The following DDX27 variants were observed in gnomAD, a reference collection of about 807,000 sequenced individuals.
DDX27 encodes the protein probable ATP-dependent RNA helicase DDX27.
A neutral mutation model predicts 99.3 loss-of-function variants in DDX27; 42 were observed. The ratio of observed to expected loss-of-function variants is 0.42; its 90% CI spans 0.33 to 0.55. The LOEUF (loss-of-function observed/expected upper bound fraction) is 0.55, where lower values mean the gene tolerates loss of function less well. Ranked by LOEUF, DDX27 falls within the 20% of genes least tolerant of loss-of-function variation. DDX27 has a pLI of 0.07. For missense variants in DDX27, 798 were observed against 976.8 expected, an observed-to-expected ratio of 0.82 and a Z score of 2.44; for synonymous variants, 329 against 353.8, an observed-to-expected ratio of 0.93 and a Z score of 0.79.
In DDX27 at chr20:49,223,322, T is replaced by A. The variant is rs921493422; in HGVS notation, c.355T>A (p.Ser119Thr). ...LEKEKEAKEG[S>T]EPKEQEDLQE... is the part of the protein sequence containing the mutation. ...AAAGGAGAAAGAAGCAAAGGAAGGC[T>A]CTGAACCAAAGGAGCAGGAAGACCT... Residue 119 changes from serine (S) to threonine (T), a missense_variant, in exon 4 of 21, where the codon TCT (serine) becomes ACT (threonine). By Grantham distance (58) the Ser-to-Thr change is moderately conservative. Transcript: ENST00000618172. 3 of 1,614,004 alleles carry A rather than the reference T, an allele frequency of 1.9e-6. No individual in the cohort carries two copies. The Admixed American group carries it at 5.0e-5, about 27-fold the overall frequency.
intron 16 of DDX27, chr20:49,241,692 C>T: frequency 9.6e-6 from 6 of 626,210 alleles, no homozygotes; most frequent in Non-Finnish European, 1.7e-5. Flanking sequence ...TGATCCCAAA[C>T]TCCTGACCTC....
In DDX27 at chr20:49,230,372, C is replaced by G. The variant is rs748167445; in HGVS notation, c.1031+23C>G. 1.6e-5 allele frequency: 26 copies of G among 1,596,410 alleles called. 1 individual carries two copies. Among genetic ancestry groups the G allele is most frequent in the Middle Eastern group, 3.7e-4 (2 of 5,472 alleles). ...CAGGTGCTCCTCACAGCCTGGGGCC[C>G]AGGGCACTGTGGGGTTCCAAGGCCC... On this transcript the variant is annotated intron_variant, in intron 9 of 20. Coordinates refer to ENST00000618172, the MANE Select transcript of DDX27 (RefSeq NM_017895.8).
At chr20:49,231,939 C>A (rs1980128610) in intron 9 of DDX27, among the ~76,000 whole-genome samples, 1 of 150,580 alleles carries the variant, frequency 6.6e-6, no homozygotes, top group South Asian at 2.1e-4. Flanking sequence ...GCTGGAGTGC[C>A]ATGGTGTGAA....
In DDX27 at chr20:49,221,615, T is replaced by A; in HGVS notation, c.240+17T>A. On this transcript the variant is annotated intron_variant, in intron 2 of 20. Transcript: ENST00000618172. Reference sequence around the variant, plus strand: ...AAGAAGAAGGTGAGACTGACAGTGATGGACAGCTCCAGACTTTGGGCTATT... The same window carrying A: ...AAGAAGAAGGTGAGACTGACAGTGAAGGACAGCTCCAGACTTTGGGCTATT... 1 of 1,578,540 alleles carries A rather than the reference T, an allele frequency of 6.3e-7. No individual in the cohort carries two copies. Among genetic ancestry groups the A allele is most frequent in the Middle Eastern group, 1.8e-4 (1 of 5,418 alleles).
chr20:49,233,567 G>A lies in DDX27; in HGVS notation c.1132-1G>A. The A allele has an allele frequency of 6.2e-7, 1 of 1,611,040 alleles. No homozygotes were observed. Among genetic ancestry groups the A allele is most frequent in the South Asian group, 1.1e-5 (1 of 91,044 alleles). On this transcript the variant is annotated splice_acceptor_variant, in intron 10 of 20. Coordinates refer to ENST00000618172, the MANE Select transcript of DDX27 (RefSeq NM_017895.8). LOFTEE classifies it high-confidence loss of function. ...AGGAAACCTGGCTTTGTGCTTGGCAGGTGAAAGATCTGGCTTCTGTCTCCT... is the reference window on the plus strand; with the variant it reads ...AGGAAACCTGGCTTTGTGCTTGGCAAGTGAAAGATCTGGCTTCTGTCTCCT...
chr20:49,235,193 C>G, intron 12 of DDX27, 105 bp downstream of exon 12: 5 of 1,314,210 alleles, frequency 3.8e-6, no homozygotes, highest in Non-Finnish European at 5.1e-6. Flanking sequence ...TAGCAGGGGA[C>G]ACATAGCATG....
chr20:49,225,321 T>G, intron 6 of DDX27, 122 bp downstream of exon 6: 2 of 852,902 alleles, frequency 2.3e-6, no homozygotes, highest in Non-Finnish European at 3.9e-6. Context: ...GTGCTGGGAT[T>G]TGAGCCACTG....
chr20:49,222,639 C>T (rs182905253), intron 2 of DDX27, among the ~76,000 whole-genome samples: 1 of 151,888 alleles, frequency 6.6e-6, no homozygotes, highest in South Asian at 2.1e-4. Flanking sequence ...CTCAGCCTCC[C>T]GAGTAGCTGG....
chr20:49,236,032 C>T lies in DDX27; in HGVS notation c.1428-118C>T, dbSNP rs535020236. On this transcript the variant is annotated intron_variant, in intron 12 of 20. Coordinates refer to ENST00000618172, the MANE Select transcript of DDX27 (RefSeq NM_017895.8). The surrounding 1 kb of genome is among the most constrained non-coding windows in gnomAD (Gnocchi z 4.1). ...TGCTGGGATTACAGGCGTGAGCCAC[C>T]GTGCCCAGCCTCTATCCCCATTTTA... 2.6e-5 allele frequency: 25 copies of T among 951,020 alleles called. No individual in the cohort carries two copies. Among genetic ancestry groups the T allele is most frequent in the African/African-American group, 6.6e-5 (4 of 60,524 alleles). 58.9% of individuals were successfully genotyped at this position (951,020 alleles called of 1,614,324 possible). A position where few individuals can be genotyped will look rare whatever the true frequency, so the allele number is the denominator to read the frequency against.
At position 49,239,352 on chromosome 20, in the gene DDX27, G is replaced by A; in HGVS notation, c.1897+14G>A. ...AGAAGGAGAAAAGTAAGTCAGGGAG[G>A]TTCCGCAGAAATCTAAATACAGAAT... On this transcript the variant is annotated intron_variant, in intron 16 of 20. Coordinates refer to ENST00000618172, the MANE Select transcript of DDX27 (RefSeq NM_017895.8). 5 of 1,588,202 alleles carry A rather than the reference G, an allele frequency of 3.1e-6. No homozygotes were observed. The highest frequency in any genetic ancestry group is 2.6e-6 in the Non-Finnish European group (3 of 1,161,420).
intron 9 of DDX27, among the ~76,000 whole-genome samples, chr20:49,231,758 T>C (rs1980119951): frequency 1.3e-5 from 2 of 152,220 alleles, no homozygotes; most frequent in Non-Finnish European, 2.9e-5. Context: ...TATCTCATGA[T>C]GGAGCGTGAA....
intron 7 of DDX27, among the ~76,000 whole-genome samples, chr20:49,228,033 G>T (rs1176743552): frequency 1.3e-5 from 2 of 151,290 alleles, no homozygotes; most frequent in Non-Finnish European, 2.9e-5. Context: ...TAGAGACAGG[G>T]TTTTACTATC....
intron 1 of DDX27, among the ~76,000 whole-genome samples, chr20:49,220,914 C>T (rs1383473251): frequency 6.6e-6 from 1 of 152,240 alleles, no homozygotes; most frequent in East Asian, 1.9e-4. Context: ...TCCACCTTGA[C>T]TTTCATCTCT....
At chr20:49,240,976 C>A (rs1002289173) in intron 16 of DDX27, among the ~76,000 whole-genome samples, 1 of 152,114 alleles carries the variant, frequency 6.6e-6, no homozygotes, top group Non-Finnish European at 1.5e-5. Flanking sequence ...GATTCTGCCA[C>A]TGAACTGCAG....
At chr20:49,223,725 A>G (rs1054655294) in intron 4 of DDX27, among the ~76,000 whole-genome samples, 6 of 152,020 alleles carry the variant, frequency 3.9e-5, no homozygotes, top group Non-Finnish European at 8.8e-5. Context: ...TACTGAAAAT[A>G]CAAAAATAAG....
At chr20:49,232,111 T>A (rs1980133709) in intron 9 of DDX27, among the ~76,000 whole-genome samples, 1 of 152,120 alleles carries the variant, frequency 6.6e-6, no homozygotes, top group Non-Finnish European at 1.5e-5. Flanking sequence ...GGTCTTGAAC[T>A]CCTGGGCTTA....
In DDX27 at chr20:49,243,861, G is replaced by C. The variant is rs1328222675; in HGVS notation, c.*27G>C. 11 of 1,613,982 alleles carry C rather than the reference G, an allele frequency of 6.8e-6. No homozygotes were observed. The highest frequency in any genetic ancestry group is 9.3e-6 in the Non-Finnish European group (11 of 1,179,930). ...TGTCGTGGCCTGAAGAAATTCATGG[G>C]GGCAGCCCTTAAATCCCTTCCCTGT... On this transcript the variant is annotated 3_prime_UTR_variant, in exon 21 of 21. Coordinates refer to ENST00000618172, the MANE Select transcript of DDX27 (RefSeq NM_017895.8).
intron 12 of DDX27, chr20:49,235,793 G>A (rs1342816310): frequency 6.2e-6 from 1 of 162,044 alleles, no homozygotes; most frequent in Non-Finnish European, 1.3e-5. Context: ...GCCCAGGCTG[G>A]AGTGCAGTGG....
In DDX27 at chr20:49,228,830, G is replaced by A; in HGVS notation, c.822G>A (p.Val274=). 2 of 1,612,380 alleles carry A rather than the reference G, an allele frequency of 1.2e-6. No individual in the cohort carries two copies. Among genetic ancestry groups the A allele is most frequent in the Non-Finnish European group, 1.7e-6 (2 of 1,179,066 alleles). ...CCACCCGAGAGCTGGGCATCCAGGT[G>A]CACTCTGTCACCAGACAGCTGGCCC... ...LVPTRELGIQ[V]HSVTRQLAQF... Residue 274 remains valine (V), a synonymous_variant, in exon 8 of 21, where the codon GTG becomes GTA. Coordinates refer to ENST00000618172, the MANE Select transcript of DDX27 (RefSeq NM_017895.8).
Sources: gnomAD v4.1 joint callset for allele counts (sites outside exome capture counted in the v4.1 genomes callset) on GRCh38, gnomAD v4.1.1 for gene constraint, Gnocchi (gnomAD v3.1) non-coding constraint, MANE v1.5 for transcripts, NCBI Gene and HGNC (gene_info 2026-07-23, HGNC 2026-07-21) for gene names.